The following LTBP1 variants were observed in gnomAD, a reference collection of about 807,000 sequenced individuals.
The protein encoded by LTBP1 is latent transforming growth factor beta binding protein 1.
In LTBP1, 129 loss-of-function variants were observed where a neutral mutation model predicts 207.6. The observed-to-expected ratio is 0.62, with a 90% CI of 0.54 to 0.72. The LOEUF is 0.72. Ranked by LOEUF, LTBP1 falls within the 30% of genes least tolerant of loss-of-function variation. The pLI, the probability that LTBP1 is intolerant of heterozygous loss-of-function variation, is 0.00. For synonymous variants in LTBP1, 963 were observed against 833.7 expected (o/e 1.16, Z -2.67); for missense variants, 2,281 against 2,217.2 (o/e 1.03, Z -0.58).
At chr2:33,184,683 T>C (rs1426082522) in intron 5 of LTBP1, among the ~76,000 whole-genome samples, 1 of 152,174 alleles carries the variant, frequency 6.6e-6, no homozygotes, top group Non-Finnish European at 1.5e-5. Context: ...AGCTTTTAAG[T>C]CCTAGATGGG....
chr2:33,373,508 G>T (rs193140082), intron 31 of LTBP1, among the ~76,000 whole-genome samples: 1 of 152,194 alleles, frequency 6.6e-6, no homozygotes, highest in African/African-American at 2.4e-5. Flanking sequence ...AGCAATGTCA[G>T]TATGTATCCA....
At chr2:33,378,172 CAT>C (rs541050492) in intron 31 of LTBP1, among the ~76,000 whole-genome samples, 7,616 of 143,844 alleles carry the variant, frequency 0.053, 317 homozygotes, top group East Asian at 0.2. Context: ...ATTTTACTTT[CAT>C]ATATATATAT....
At chr2:33,035,319 G>A (rs1270363995) in intron 3 of LTBP1, among the ~76,000 whole-genome samples, 1 of 152,146 alleles carries the variant, frequency 6.6e-6, no homozygotes, top group Non-Finnish European at 1.5e-5. Flanking sequence ...CCTTGATATG[G>A]AGATGAGAAG....
rs1375972020 is a variant in LTBP1, at chr2:33,155,439, G to C, written c.1201+20479G>C. Among the ~76,000 whole-genome samples the C allele has an allele frequency of 2.0e-5, 3 of 152,182 alleles. No homozygotes were observed. The East Asian group carries it at 5.8e-4, about 29-fold the overall frequency. ...TTGGAGTTTAAGTTGCATTTTGCTTGTGCATGAGATTAAGTTTCTTTTCAT... is the reference window on the plus strand; with the variant it reads ...TTGGAGTTTAAGTTGCATTTTGCTTCTGCATGAGATTAAGTTTCTTTTCAT... On this transcript the variant is annotated intron_variant, in intron 5 of 33. Coordinates refer to ENST00000404816, the MANE Select transcript of LTBP1 (RefSeq NM_206943.4).
chr2:33,332,418 A>G (rs2094506246), intron 24 of LTBP1, among the ~76,000 whole-genome samples: 1 of 149,222 alleles, frequency 6.7e-6, no homozygotes, highest in Non-Finnish European at 1.5e-5. Flanking sequence ...AGACAGAGAC[A>G]CTCTCATTAT....
At chr2:33,126,133 C>G (rs552117927) in intron 4 of LTBP1, among the ~76,000 whole-genome samples, 1 of 151,948 alleles carries the variant, frequency 6.6e-6, no homozygotes, top group Non-Finnish European at 1.5e-5. Context: ...AGTTGGCTTC[C>G]CCGAGAGTGA....
intron 3 of LTBP1, among the ~76,000 whole-genome samples, chr2:33,079,389 A>C (rs941226845): frequency 8.5e-5 from 13 of 152,208 alleles, no homozygotes; most frequent in African/African-American, 3.1e-4. Context: ...CACTAAAACA[A>C]CACCAGCAGA....
intron 28 of LTBP1, 93 bp downstream of exon 28, chr2:33,361,608 CT>C: frequency 2.3e-6 from 2 of 863,460 alleles, no homozygotes; most frequent in Non-Finnish European, 1.8e-6. Flanking sequence ...AATTAGAGTT[CT>C]TTTTAGTCAT....
Position 32,947,920 on chromosome 2 carries a change from C to A in LTBP1, c.494+102C>A, listed in dbSNP as rs1043355854. 3.0e-5 allele frequency: 31 copies of A among 1,017,472 alleles called. No homozygotes were observed. The African/African-American group carries it at 3.9e-4, about 13-fold the overall frequency. 63.0% of individuals were successfully genotyped at this position (1,017,472 alleles called of 1,614,324 possible). ...ACTCGGAGCCCCGCGGTGGCCAGGG[C>A]GGTCGCGCGCGGTGGGTCGGCTTTC... On this transcript the variant is annotated intron_variant, in intron 1 of 33. Transcript: ENST00000404816.
chr2:33,054,509 A>C (rs534957651), intron 3 of LTBP1, among the ~76,000 whole-genome samples: 1 of 152,296 alleles, frequency 6.6e-6, no homozygotes, highest in South Asian at 2.1e-4. Context: ...ATTCATGTAG[A>C]TAATAGCTCC....
chr2:33,348,679 A>G (rs2094737799), intron 26 of LTBP1, among the ~76,000 whole-genome samples: 1 of 152,250 alleles, frequency 6.6e-6, no homozygotes, highest in Admixed American at 6.5e-5. Flanking sequence ...ATTAATTCAT[A>G]TATCATAATA....
intron 7 of LTBP1, among the ~76,000 whole-genome samples, chr2:33,213,169 G>T (rs2090440169): frequency 2.0e-5 from 3 of 152,124 alleles, no homozygotes; most frequent in Admixed American, 2.0e-4. Flanking sequence ...TTAATCTGCA[G>T]CCCAAGGTTG....
intron 5 of LTBP1, among the ~76,000 whole-genome samples, chr2:33,171,249 G>T (rs2085418291): frequency 8.3e-6 from 1 of 120,182 alleles, no homozygotes; most frequent in Non-Finnish European, 1.9e-5. Flanking sequence ...CCAAGAAGTT[G>T]AAAACTTTGA....
intron 26 of LTBP1, among the ~76,000 whole-genome samples, chr2:33,348,190 A>G (rs1286501244): frequency 6.6e-6 from 1 of 152,234 alleles, no homozygotes; most frequent in Non-Finnish European, 1.5e-5. Flanking sequence ...AGAGCCAAGT[A>G]AAATGAAACA....
chr2:33,283,976 T>C (rs2093615310), intron 19 of LTBP1, among the ~76,000 whole-genome samples: 1 of 152,248 alleles, frequency 6.6e-6, no homozygotes, highest in South Asian at 2.1e-4. Flanking sequence ...TAGTTTTTTT[T>C]CTAAACTGGT....
chr2:33,390,767 G>A (rs1043135805), intron 32 of LTBP1, among the ~76,000 whole-genome samples: 1 of 152,100 alleles, frequency 6.6e-6, no homozygotes, highest in African/African-American at 2.4e-5. Context: ...GCTTATAGGT[G>A]TGAGCCACCA....
chr2:33,078,251 T>G (rs1237809044), intron 3 of LTBP1, among the ~76,000 whole-genome samples: 1 of 152,198 alleles, frequency 6.6e-6, no homozygotes, highest in Non-Finnish European at 1.5e-5. Flanking sequence ...AACCAGTATT[T>G]TCTCTTAAGG....
intron 23 of LTBP1, among the ~76,000 whole-genome samples, chr2:33,311,996 T>A (rs1444964889): frequency 6.6e-6 from 1 of 152,212 alleles, no homozygotes; most frequent in Non-Finnish European, 1.5e-5. Context: ...TAAAGAATAG[T>A]GTCTGTGAAT....
intron 15 of LTBP1, among the ~76,000 whole-genome samples, chr2:33,272,524 A>G (rs1410266504): frequency 1.3e-5 from 2 of 152,262 alleles, no homozygotes; most frequent in Non-Finnish European, 2.9e-5. Flanking sequence ...CAATATGAAC[A>G]ATAATGGTAA....
Sources: allele counts gnomAD v4.1 joint callset (sites outside exome capture counted in the v4.1 genomes callset), GRCh38; gene constraint gnomAD v4.1.1; transcripts MANE v1.5; gene names NCBI Gene and HGNC (gene_info 2026-07-23, HGNC 2026-07-21).